Variants in CMIP observed in about 807,000 individuals in gnomAD.
CMIP encodes c-Maf inducing protein.
Under a neutral mutation model 97.3 loss-of-function variants are expected in CMIP, and 13 were observed. That is an observed-to-expected ratio of 0.13 (90% CI 0.09 to 0.21). The LOEUF is 0.21. Among genes scored for constraint, CMIP ranks in the 10% least tolerant of loss-of-function variants. The pLI is 1.00. For missense variants in CMIP, 847 were observed against 1,024.9 expected (o/e 0.83, Z 2.37); for synonymous variants, 538 against 436.3 (o/e 1.23, Z -2.91).
intron 1 of CMIP, among the ~76,000 whole-genome samples, chr16:81,572,727 C>T (rs1357554175): frequency 6.6e-6 from 1 of 152,184 alleles, no homozygotes; most frequent in Non-Finnish European, 1.5e-5. Context: ...CCTGGTGGCC[C>T]ACAGTCCCAG....
In CMIP at chr16:81,582,200, T is replaced by G. The variant is rs117327914; in HGVS notation, c.301-25367T>G. ...CTCCCACAGGCCCCTTCTCCAACATTGGGGATTATAATTGAACATGAGTCT... is the reference window on the plus strand; with the variant it reads ...CTCCCACAGGCCCCTTCTCCAACATGGGGGATTATAATTGAACATGAGTCT... On this transcript the variant is annotated intron_variant, in intron 1 of 20. Transcript: ENST00000537098. Among the ~76,000 whole-genome samples the G allele has an allele frequency of 2.8e-4, 43 of 152,164 alleles. 1 individual carries two copies. In the East Asian group the frequency reaches 8.1e-3, roughly 29 times the overall value.
intron 1 of CMIP, among the ~76,000 whole-genome samples, chr16:81,583,605 C>T (rs1162809256): frequency 2.0e-5 from 3 of 152,190 alleles, no homozygotes; most frequent in African/African-American, 4.8e-5. Flanking sequence ...AGAGAAGACC[C>T]ACTGTCTCAC....
chr16:81,581,102 C>T (rs1219433837), intron 1 of CMIP, among the ~76,000 whole-genome samples: 1 of 152,212 alleles, frequency 6.6e-6, no homozygotes, highest in Non-Finnish European at 1.5e-5. Flanking sequence ...CATGTGTCAG[C>T]ACTGCCTTCC....
chr16:81,600,836 A>G (rs1474854470), intron 1 of CMIP, among the ~76,000 whole-genome samples: 1 of 152,226 alleles, frequency 6.6e-6, no homozygotes, highest in Non-Finnish European at 1.5e-5. Flanking sequence ...ACCACTGCGT[A>G]TGACACTGTG....
At chr16:81,552,885 G>A (rs572892780) in intron 1 of CMIP, among the ~76,000 whole-genome samples, 3 of 152,314 alleles carry the variant, frequency 2.0e-5, no homozygotes, top group African/African-American at 7.2e-5. Flanking sequence ...CAAGAGGAAT[G>A]AGGGCCCTGT....
intron 1 of CMIP, among the ~76,000 whole-genome samples, chr16:81,499,015 A>G (rs892558203): frequency 2.0e-5 from 3 of 152,148 alleles, no homozygotes; most frequent in Non-Finnish European, 4.4e-5. Context: ...CCCCCTATCA[A>G]CACTAGGAGG....
At chr16:81,449,114 C>T (rs1906048343) in intron 1 of CMIP, among the ~76,000 whole-genome samples, 1 of 152,228 alleles carries the variant, frequency 6.6e-6, no homozygotes, top group South Asian at 2.1e-4. Context: ...TTCTGCACCA[C>T]AGAAGTACAA....
chr16:81,532,298 T>C (rs2090253222), intron 1 of CMIP, among the ~76,000 whole-genome samples: 2 of 152,218 alleles, frequency 1.3e-5, no homozygotes, highest in Admixed American at 6.5e-5. Flanking sequence ...TAGGTAGAAG[T>C]GTGTGTGCAC....
In CMIP at chr16:81,627,272, C is replaced by T. The variant is rs988817377; in HGVS notation, c.477+6346C>T. Among the ~76,000 whole-genome samples the T allele has an allele frequency of 6.6e-6, 1 of 151,720 alleles. No individual in the cohort carries two copies. Among genetic ancestry groups the T allele is most frequent in the East Asian group, 1.9e-4 (1 of 5,196 alleles). On this transcript the variant is annotated intron_variant, in intron 3 of 20. Coordinates refer to ENST00000537098, the MANE Select transcript of CMIP (RefSeq NM_198390.3). The surrounding 1 kb of genome is among the most constrained non-coding windows in gnomAD (Gnocchi z 4.6). ...GGCCTGTGGGGATACTATGAGTATG[C>T]TGGTTTGGAGTGTGTTTCTTTGGGC...
At chr16:81,693,340 C>T (rs1022825761) in intron 12 of CMIP, 99 bp from the exon 13 acceptor site, 4 of 1,513,678 alleles carry the variant, frequency 2.6e-6, no homozygotes, top group Non-Finnish European at 3.6e-6. Flanking sequence ...TTGCCCAGCT[C>T]CCTGGCCCGT....
At chr16:81,583,212 C>G (rs896064800) in intron 1 of CMIP, among the ~76,000 whole-genome samples, 2 of 152,326 alleles carry the variant, frequency 1.3e-5, no homozygotes, top group African/African-American at 4.8e-5. Flanking sequence ...TGCCTGGCCC[C>G]TTTGTCTCCC....
intron 1 of CMIP, among the ~76,000 whole-genome samples, chr16:81,451,151 T>C (rs915165760): frequency 6.6e-6 from 1 of 152,220 alleles, no homozygotes; most frequent in East Asian, 1.9e-4. Context: ...TCTTGAGTTG[T>C]AGCTCCCATA....
intron 3 of CMIP, among the ~76,000 whole-genome samples, chr16:81,628,562 A>G (rs1287465581): frequency 6.6e-6 from 1 of 152,210 alleles, no homozygotes; most frequent in East Asian, 1.9e-4. Flanking sequence ...ACTCAAGGTC[A>G]CACAGCTGTT....
chr16:81,472,493 C>G (rs2966123), intron 1 of CMIP, among the ~76,000 whole-genome samples: 63,957 of 152,044 alleles, frequency 0.42, 15,411 homozygotes, highest in African/African-American at 0.68. Context: ...CTTGTAGGCA[C>G]TGATCACAGC....
At chr16:81,685,630 G>A (rs1018335620) in intron 10 of CMIP, among the ~76,000 whole-genome samples, 15 of 151,542 alleles carry the variant, frequency 9.9e-5, no homozygotes, top group Middle Eastern at 3.5e-3. Context: ...CTGCAGCCTC[G>A]AACTGCCAGG....
intron 2 of CMIP, among the ~76,000 whole-genome samples, chr16:81,615,844 C>T (rs1054695330): frequency 6.6e-6 from 1 of 151,990 alleles, no homozygotes; most frequent in Non-Finnish European, 1.5e-5. Context: ...CCATAAACCC[C>T]CCTGAATCAG....
Position 81,705,623 on chromosome 16 carries a change from GC to G in CMIP, c.2197+20del, listed in dbSNP as rs1908045193. 6.5e-7 allele frequency: 1 copy of G among 1,533,260 alleles called. No homozygotes were observed. The highest frequency in any genetic ancestry group is 1.2e-5 in the South Asian group (1 of 85,358). 95.0% of individuals were successfully genotyped at this position (1,533,260 alleles called of 1,614,324 possible). A position where few individuals can be genotyped will look rare whatever the true frequency, so the allele number is the denominator to read the frequency against. ...CTGAGCTGTGAGTGCCTCCGGGGCA[GC>G]TGGGGGGTGAGGGGCCGCTTGATTC... On this transcript the variant is annotated intron_variant, in intron 19 of 20. Transcript: ENST00000537098.
At chr16:81,516,543 C>T (rs76245487) in intron 1 of CMIP, among the ~76,000 whole-genome samples, 208 of 152,334 alleles carry the variant, frequency 1.4e-3, no homozygotes, top group African/African-American at 4.9e-3. Flanking sequence ...CCAGCCAGCT[C>T]TGCCTTCAGG....
At chr16:81,606,948 G>A (rs2091753543) in intron 1 of CMIP, 1 of 155,380 alleles carries the variant, frequency 6.4e-6, no homozygotes, top group Non-Finnish European at 1.4e-5. Flanking sequence ...ACTGTTATCA[G>A]GGCAGTGTGA....
Sources: allele counts gnomAD v4.1 joint callset (sites outside exome capture counted in the v4.1 genomes callset), GRCh38; gene constraint gnomAD v4.1.1; non-coding constraint Gnocchi (gnomAD v3.1); transcripts MANE v1.5; gene names NCBI Gene and HGNC (gene_info 2026-07-23, HGNC 2026-07-21).